TENM3: variants seen among roughly 807,000 people sequenced by gnomAD.
TENM3 encodes the protein teneurin transmembrane protein 3, also known as teneurin-3.
TENM3 carries 63 observed loss-of-function variants against 255.1 expected under a neutral mutation model. The observed-to-expected ratio is 0.25, with a 90% CI of 0.20 to 0.30. The LOEUF (loss-of-function observed/expected upper bound fraction) is 0.30, where lower values mean the gene tolerates loss of function less well. TENM3 is among the 10% of genes least tolerant of loss of function. The pLI, the probability that TENM3 is intolerant of heterozygous loss-of-function variation, is 1.00. For missense variants in TENM3, 2,929 were observed against 3,461.1 expected (o/e 0.85, Z 3.86); for synonymous variants, 1,306 against 1,322.3 (o/e 0.99, Z 0.27).
chr4:182,650,829 A>G (rs1416252191), intron 5 of TENM3, among the ~76,000 whole-genome samples: 1 of 150,040 alleles, frequency 6.7e-6, no homozygotes, highest in Admixed American at 6.6e-5. Flanking sequence ...GAGTCTCATT[A>G]TATAGCATCT....
chr4:182,274,431 C>T (rs1271771734), intron 1 of TENM3, among the ~76,000 whole-genome samples: 1 of 152,114 alleles, frequency 6.6e-6, no homozygotes, highest in Non-Finnish European at 1.5e-5. Context: ...GGCATGGCAA[C>T]AAAAAGATGT....
the TENM3 span, among the ~76,000 whole-genome samples, chr4:181,662,113 C>A: frequency 1.3e-5 from 2 of 152,184 alleles, no homozygotes; most frequent in African/African-American, 2.4e-5. Flanking sequence ...CAGGATTGAA[C>A]TACTTCCCTG....
chr4:182,178,773 A>G (rs770188245), intron 1 of TENM3, among the ~76,000 whole-genome samples: 1 of 152,184 alleles, frequency 6.6e-6, no homozygotes, highest in Non-Finnish European at 1.5e-5. Context: ...ATGACTCTGT[A>G]TTTTACCCTG....
chr4:182,195,416 A>T (rs1399619464), intron 1 of TENM3, among the ~76,000 whole-genome samples: 2 of 151,984 alleles, frequency 1.3e-5, no homozygotes, highest in Non-Finnish European at 2.9e-5. Context: ...AAGTGGGAGG[A>T]TCTCTTGAGC....
the TENM3 span, among the ~76,000 whole-genome samples, chr4:181,631,844 A>C: frequency 6.6e-6 from 1 of 152,190 alleles, no homozygotes; most frequent in Admixed American, 6.5e-5. Context: ...CCACAAGTGC[A>C]TTGCCAAAAG....
chr4:182,128,326 GTTTC>G, the TENM3 span, among the ~76,000 whole-genome samples: 4 of 151,342 alleles, frequency 2.6e-5, no homozygotes, highest in Non-Finnish European at 5.9e-5. Context: ...TTTTGTACTT[GTTTC>G]TTTCTTTCTT....
chr4:182,049,425 C>T, the TENM3 span, among the ~76,000 whole-genome samples: 2 of 151,806 alleles, frequency 1.3e-5, no homozygotes, highest in African/African-American at 2.4e-5. Flanking sequence ...GAGAGGTGGG[C>T]GGAGAAAGCA....
intron 3 of TENM3, among the ~76,000 whole-genome samples, chr4:182,474,671 G>T (rs553392694): frequency 1.2e-4 from 18 of 152,134 alleles, no homozygotes; most frequent in African/African-American, 4.3e-4. Context: ...TTCTTTGTGT[G>T]CATATTTCTT....
At chr4:181,556,195 AT>A in the TENM3 span, among the ~76,000 whole-genome samples, 1 of 151,922 alleles carries the variant, frequency 6.6e-6, no homozygotes, top group Non-Finnish European at 1.5e-5. Flanking sequence ...ATTATTTTGT[AT>A]TTTCTTCCTT....
chr4:182,049,147 C>A, the TENM3 span, among the ~76,000 whole-genome samples: 6 of 152,056 alleles, frequency 3.9e-5, no homozygotes, highest in African/African-American at 1.4e-4. Flanking sequence ...CTTTCTATGT[C>A]CAGCTATAGA....
the TENM3 span, among the ~76,000 whole-genome samples, chr4:181,492,830 T>C: frequency 6.6e-6 from 1 of 152,202 alleles, no homozygotes; most frequent in Non-Finnish European, 1.5e-5. Flanking sequence ...TTATACATTT[T>C]CATGTATATC....
At chr4:181,627,296 T>A in the TENM3 span, among the ~76,000 whole-genome samples, 1 of 152,064 alleles carries the variant, frequency 6.6e-6, no homozygotes, top group East Asian at 1.9e-4. Context: ...GATAATAATA[T>A]GCTATAAATA....
chr4:181,486,638 A>G, the TENM3 span, among the ~76,000 whole-genome samples: 1 of 152,174 alleles, frequency 6.6e-6, no homozygotes, highest in Admixed American at 6.5e-5. Flanking sequence ...CTCTATAAAG[A>G]AAGTTTATAG....
chr4:181,901,957 G>A, the TENM3 span, among the ~76,000 whole-genome samples: 52,935 of 151,696 alleles, frequency 0.35, 9,383 homozygotes, highest in East Asian at 0.51. Context: ...TTTCACTCAT[G>A]TGACTTAGAT....
the TENM3 span, among the ~76,000 whole-genome samples, chr4:181,619,188 T>C: frequency 0.12 from 17,880 of 152,072 alleles, 1,115 homozygotes; most frequent in South Asian, 0.2. Context: ...CCGTCTGCTC[T>C]ACTTGCAGCT....
In TENM3 at chr4:182,346,833, G is replaced by C. The variant is rs764345059; in HGVS notation, c.415G>C (p.Val139Leu). 6.2e-7 allele frequency: 1 copy of C among 1,613,220 alleles called. No individual in the cohort carries two copies. Among genetic ancestry groups the C allele is most frequent in the Non-Finnish European group, 8.5e-7 (1 of 1,179,608 alleles). Residue 139 changes from valine (V) to leucine (L), a missense_variant, in exon 3 of 28, where the codon GTC becomes CTC. By Grantham distance (32) the Val-to-Leu change is conservative. This residue lies in a region of TENM3 where 283 missense variants were observed against 256.9 expected (regional missense o/e 1.10). Transcript: ENST00000511685. ...TGCCATGAGACTTTGGGGCAGGGGGGTCAAATCAGGCCGCAGCTCCTGCCT... is the reference window on the plus strand; with the variant it reads ...TGCCATGAGACTTTGGGGCAGGGGGCTCAAATCAGGCCGCAGCTCCTGCCT... Reference protein sequence around the residue: ...EHAMRLWGRGVKSGRSSCLSS... With the variant: ...EHAMRLWGRGLKSGRSSCLSS...
chr4:181,613,264 G>C, the TENM3 span, among the ~76,000 whole-genome samples: 1 of 152,196 alleles, frequency 6.6e-6, no homozygotes, highest in Non-Finnish European at 1.5e-5. Flanking sequence ...TTGCAACTCA[G>C]TGTTTTAAAT....
chr4:182,756,511 G>A (rs1218925614), intron 22 of TENM3, among the ~76,000 whole-genome samples: 1 of 152,196 alleles, frequency 6.6e-6, no homozygotes, highest in East Asian at 1.9e-4. Flanking sequence ...ATGGCATGTT[G>A]ACAAACGCAA....
the TENM3 span, among the ~76,000 whole-genome samples, chr4:181,797,444 G>A: frequency 3.7e-4 from 56 of 152,084 alleles, no homozygotes; most frequent in South Asian, 7.5e-3. Context: ...TTTTCCTCTG[G>A]TTGTTTTTGA....
Sources: allele counts gnomAD v4.1 joint callset (sites outside exome capture counted in the v4.1 genomes callset), GRCh38; gene constraint gnomAD v4.1.1; regional missense constraint gnomAD v4.1.1; transcripts MANE v1.5; gene names NCBI Gene and HGNC (gene_info 2026-07-23, HGNC 2026-07-21).